Variants in PECR observed in about 807,000 individuals in gnomAD.
The protein encoded by PECR is 2,4-dienoyl-CoA reductase-related protein.
A neutral mutation model predicts 35.3 loss-of-function variants in PECR; 30 were observed. The observed-to-expected ratio is 0.85, with a 90% CI of 0.64 to 1.15. PECR has a LOEUF of 1.15. PECR is among the 50% of genes most tolerant of loss of function. PECR has a pLI of 0.00. For synonymous variants in PECR, 148 were observed against 138.9 expected, an observed-to-expected ratio of 1.07 and a Z score of -0.46; for missense variants, 392 against 370.8, an observed-to-expected ratio of 1.06 and a Z score of -0.47.
At chr2:216,072,812 G>C (rs1163762858) in intron 1 of PECR, among the ~76,000 whole-genome samples, 1 of 152,144 alleles carries the variant, frequency 6.6e-6, no homozygotes, top group Admixed American at 6.6e-5. Flanking sequence ...ACTATGAATA[G>C]TGCTGTGATA....
In PECR at chr2:216,081,784, G is replaced by C; in HGVS notation, c.-43C>G. On this transcript the variant is annotated 5_prime_UTR_variant, in exon 1 of 8. Transcript: ENST00000265322. ...AGAGCAGCTGAGCGCAGGCCCTTCT[G>C]GGTCTCAGGGACATTCGAGGCGGGC... The C allele has an allele frequency of 6.2e-7, 1 of 1,605,784 alleles. No individual in the cohort carries two copies. The highest frequency in any genetic ancestry group is 8.5e-7 in the Non-Finnish European group (1 of 1,178,258).
chr2:216,068,467 A>C (rs756709743), intron 1 of PECR, among the ~76,000 whole-genome samples: 4 of 152,176 alleles, frequency 2.6e-5, no homozygotes, highest in East Asian at 1.9e-4. Flanking sequence ...CAGTGAAAAT[A>C]TCTCTCAAAA....
chr2:216,067,394 G>A (rs1211563548), intron 1 of PECR, among the ~76,000 whole-genome samples: 1 of 152,000 alleles, frequency 6.6e-6, no homozygotes, highest in African/African-American at 2.4e-5. Context: ...ACCTTTCACG[G>A]GGCATTCGGT....
rs959602626 is a variant in PECR, at chr2:216,065,227, T to A, written c.424+85A>T. 1.2e-5 allele frequency: 11 copies of A among 895,618 alleles called. No homozygotes were observed. The African/African-American group carries it at 1.8e-4, about 15-fold the overall frequency. 55.5% of individuals were successfully genotyped at this position (895,618 alleles called of 1,614,324 possible). A position where few individuals can be genotyped will look rare whatever the true frequency, so the allele number is the denominator to read the frequency against. ...AGAAAATCCAGCCAATAAATGTTAA[T>A]GACATGGGGCTTCTGAGTCCCTAAT... On this transcript the variant is annotated intron_variant, in intron 3 of 7. Coordinates refer to ENST00000265322, the MANE Select transcript of PECR (RefSeq NM_018441.6).
intron 7 of PECR, among the ~76,000 whole-genome samples, chr2:216,041,515 G>T (rs866699909): frequency 6.6e-6 from 1 of 151,906 alleles, no homozygotes; most frequent in African/African-American, 2.4e-5. Flanking sequence ...GTTCTATACT[G>T]TGATATTGTG....
chr2:216,036,438 G>A (rs566331475), downstream of PECR, among the ~76,000 whole-genome samples: 1 of 152,324 alleles, frequency 6.6e-6, no homozygotes, highest in South Asian at 2.1e-4. Flanking sequence ...GGGACATAAG[G>A]TCCCAGTGAG....
downstream of PECR, chr2:216,034,203 T>A (rs1694757223): frequency 6.6e-6 from 1 of 152,228 alleles, no homozygotes. Flanking sequence ...CAGGTCATGT[T>A]AAAAAATGAA....
chr2:216,052,930 T>C (rs1451996141), intron 4 of PECR, among the ~76,000 whole-genome samples: 1 of 152,032 alleles, frequency 6.6e-6, no homozygotes, highest in Non-Finnish European at 1.5e-5. Flanking sequence ...CTCGGCTCAC[T>C]GCAACCTCTG....
intron 6 of PECR, among the ~76,000 whole-genome samples, chr2:216,045,740 A>G (rs2105945976): frequency 6.6e-6 from 1 of 152,366 alleles, no homozygotes; most frequent in South Asian, 2.1e-4. Flanking sequence ...GTGACAACTC[A>G]GCCAATGAAC....
chr2:216,037,682 G>A (rs1387857951), downstream of PECR, among the ~76,000 whole-genome samples: 2 of 151,998 alleles, frequency 1.3e-5, no homozygotes, highest in Non-Finnish European at 2.9e-5. Flanking sequence ...CTGCACCCTG[G>A]GCACCTCATT....
At chr2:216,073,219 A>C (rs137917848) in intron 1 of PECR, among the ~76,000 whole-genome samples, 1 of 152,334 alleles carries the variant, frequency 6.6e-6, no homozygotes, top group African/African-American at 2.4e-5. Flanking sequence ...TTTTGTTTCC[A>C]GGAGGGCCCT....
At chr2:216,075,952 AC>A (rs539605295) in intron 1 of PECR, among the ~76,000 whole-genome samples, 92 of 152,336 alleles carry the variant, frequency 6.0e-4, no homozygotes, top group Non-Finnish European at 9.4e-4. Context: ...AGATAAAAAA[AC>A]ATCTGATATG....
At position 216,049,246 on chromosome 2, in the gene PECR, C is replaced by A. The variant is rs1396982505; in HGVS notation, c.714+17G>T. The A allele has an allele frequency of 8.3e-7, 1 of 1,202,920 alleles. No homozygotes were observed. The highest frequency in any genetic ancestry group is 1.7e-5 in the Admixed American group (1 of 59,518). The allele number at this position is 1,202,920 out of a possible 1,614,324, so 74.5% of individuals were successfully genotyped here. ...TAACACACAGCAATTCTAATCAATGCTGGAAATATACCTTACCTCCTCAGG... is the reference window on the plus strand; with the variant it reads ...TAACACACAGCAATTCTAATCAATGATGGAAATATACCTTACCTCCTCAGG... On this transcript the variant is annotated intron_variant, in intron 6 of 7. Coordinates refer to ENST00000265322, the MANE Select transcript of PECR (RefSeq NM_018441.6).
At chr2:216,061,311 C>CAAAAAAAAAA (rs56791924) in intron 3 of PECR, among the ~76,000 whole-genome samples, 3 of 44,932 alleles carry the variant, frequency 6.7e-5, no homozygotes, top group African/African-American at 1.9e-4. Flanking sequence ...AACCCTGTCT[C>CAAAAAAAAAA]AAAAAAAAAA....
rs921671647 is a variant in PECR at position 216,043,805 on chromosome 2, G to C, written c.826+99C>G. 4.5e-5 allele frequency: 32 copies of C among 708,920 alleles called. No homozygotes were observed. In the Admixed American group the frequency reaches 5.7e-4, roughly 13 times the overall value. The allele number at this position is 708,920 out of a possible 1,614,324, so 43.9% of individuals were successfully genotyped here. On this transcript the variant is annotated intron_variant, in intron 7 of 7. Coordinates refer to ENST00000265322, the MANE Select transcript of PECR (RefSeq NM_018441.6). ...TTGTACATTTTGATGTTCTATAAGA[G>C]AGCACCCTCATCTCTTAAGTAACTA...
At chr2:216,039,441 T>G in intron 7 of PECR, 81 bp from the exon 8 acceptor site, 1 of 824,622 alleles carries the variant, frequency 1.2e-6, no homozygotes, top group Non-Finnish European at 2.2e-6. Flanking sequence ...CTTGTTAATT[T>G]CCCTGGTTCA....
At chr2:216,070,460 G>C (rs1007806397) in intron 1 of PECR, among the ~76,000 whole-genome samples, 1 of 152,162 alleles carries the variant, frequency 6.6e-6, no homozygotes, top group Non-Finnish European at 1.5e-5. Flanking sequence ...AGTGAAACTG[G>C]TCTACTTTTA....
chr2:216,049,997 T>C (rs1695073214), intron 5 of PECR, among the ~76,000 whole-genome samples: 1 of 151,944 alleles, frequency 6.6e-6, no homozygotes, highest in Non-Finnish European at 1.5e-5. Context: ...GCTGGAGGAT[T>C]GTGTGAGCCT....
intron 7 of PECR, among the ~76,000 whole-genome samples, chr2:216,031,693 G>T (rs868457706): frequency 7.8e-6 from 1 of 128,362 alleles, no homozygotes; most frequent in East Asian, 2.3e-4. Flanking sequence ...GAAAGAAAGA[G>T]AAAGAAAGAA....
Sources: allele counts gnomAD v4.1 joint callset (sites outside exome capture counted in the v4.1 genomes callset), GRCh38; gene constraint gnomAD v4.1.1; transcripts MANE v1.5; gene names NCBI Gene and HGNC (gene_info 2026-07-23, HGNC 2026-07-21).